Variants in NOD2 observed in about 807,000 individuals in gnomAD.
NOD2 encodes nucleotide binding oligomerization domain containing 2.
NOD2 carries 86 observed loss-of-function variants against 90.9 expected under a neutral mutation model. The observed-to-expected ratio is 0.95, with a 90% confidence interval of 0.79 to 1.13. The LOEUF (loss-of-function observed/expected upper bound fraction) is 1.13. Ranked by LOEUF, NOD2 falls within the 50% of genes most tolerant of loss-of-function variation. NOD2 has a pLI of 0.00. For missense variants in NOD2, 1,238 were observed against 1,283.8 expected (o/e 0.96, Z 0.55); for synonymous variants, 581 against 554.6 (o/e 1.05, Z -0.67).
chr16:50,719,976 G>T lies in NOD2; in HGVS notation c.2601G>T (p.Gly867=). 1 of 1,614,212 alleles carries T rather than the reference G, an allele frequency of 6.2e-7. No individual in the cohort carries two copies. Among genetic ancestry groups the T allele is most frequent in the Non-Finnish European group, 8.5e-7 (1 of 1,180,028 alleles). ...TAAGAQVLAE[G]LRGNTSLQFL... is the part of the protein sequence containing the mutation. ...CGGGAGCCCAAGTGCTGGCCGAGGG[G>T]CTCCGAGGCAACACCTCCTTGCAGT... is the stretch of plus-strand genomic sequence containing the variant. The change falls in exon 7 of 12, where the codon GGG becomes GGT. Residue 867 remains glycine (G), a synonymous_variant. Transcript: ENST00000647318.
chr16:50,714,930 T>C (rs909484101), intron 4 of NOD2, among the ~76,000 whole-genome samples: 4 of 152,184 alleles, frequency 2.6e-5, no homozygotes, highest in African/African-American at 9.7e-5. Flanking sequence ...ACATGGAACC[T>C]AAGTTTCACA....
chr16:50,711,232 G>A lies in NOD2; in HGVS notation c.1240G>A (p.Glu414Lys), dbSNP rs104895432. ...SAFLRKYIRT[E>K]FNLKGFSEQG... is the part of the protein sequence containing the mutation. Reference sequence around the variant, plus strand: ...GTTCCTCAGGAAGTACATCCGCACCGAGTTCAACCTCAAGGGCTTCTCTGA... The same window carrying A: ...GTTCCTCAGGAAGTACATCCGCACCAAGTTCAACCTCAAGGGCTTCTCTGA... The change falls in exon 4 of 12, where the codon GAG becomes AAG. Residue 414 changes from glutamate (E) to lysine (K), a missense_variant. This residue lies in a region of NOD2 where 567 missense variants were observed against 577.3 expected (regional missense o/e 0.98). Coordinates refer to ENST00000647318, the MANE Select transcript of NOD2 (RefSeq NM_001370466.1). 3.2e-4 allele frequency: 513 copies of A among 1,613,998 alleles called. No individual in the cohort carries two copies. The highest frequency in any genetic ancestry group is 4.9e-4 in the Middle Eastern group (3 of 6,062).
chr16:50,710,877 C>A lies in NOD2; in HGVS notation c.885C>A (p.Phe295Leu). 1 of 1,614,102 alleles carries A rather than the reference C, an allele frequency of 6.2e-7. No individual in the cohort carries two copies. Among genetic ancestry groups the A allele is most frequent in the Non-Finnish European group, 8.5e-7 (1 of 1,180,022 alleles). Residue 295 changes from phenylalanine (F) to leucine (L), a missense_variant, in exon 4 of 12, where the codon TTC becomes TTA. This residue lies in a region of NOD2 where 567 missense variants were observed against 577.3 expected (regional missense o/e 0.98). Transcript: ENST00000647318. ...LHLLWAAGQD[F>L]QEFLFVFPFS... Reference sequence around the variant, plus strand: ...TGCTGTGGGCTGCAGGGCAAGACTTCCAGGAATTTCTCTTTGTCTTCCCAT... The same window carrying A: ...TGCTGTGGGCTGCAGGGCAAGACTTACAGGAATTTCTCTTTGTCTTCCCAT...
rs950076475 is a variant in NOD2, at chr16:50,711,352, G to A, written c.1360G>A (p.Gly454Ser). 4 of 1,613,588 alleles carry A rather than the reference G, an allele frequency of 2.5e-6. No homozygotes were observed. Among genetic ancestry groups the A allele is most frequent in the Middle Eastern group, 1.6e-4 (1 of 6,062 alleles). The change falls in exon 4 of 12, where the codon GGT (glycine) becomes AGT (serine). Residue 454 changes from glycine (G) to serine (S), a missense_variant. Gly to Ser is a moderately conservative substitution (Grantham distance 56). This residue lies in a region of NOD2 where 4 missense variants were observed against 17.8 expected (regional missense o/e 0.22). Transcript: ENST00000647318. ...GCTCCAAGAGACCTCAGCCCTGCAC[G>A]GTTTGTGCCACCTGCCTGTCTTCTC... ...RLLQETSALH[G>S]LCHLPVFSWM...
At chr16:50,710,152 T>C in intron 3 of NOD2, 1 of 393,324 alleles carries the variant, frequency 2.5e-6, no homozygotes, top group South Asian at 1.9e-5. Context: ...GATATCAGAA[T>C]ACAGGTCTTC....
chr16:50,712,288 G>T lies in NOD2; in HGVS notation c.2296G>T (p.Val766Leu), dbSNP rs104895444. ...AFVLQHLRRP[V>L]ALQLDYNSVG... ...TGTGCTGCAGCACCTCCGGCGGCCC[G>T]TGGCCCTGCAGCTGGACTACAACTC... The change falls in exon 4 of 12, where the codon GTG (valine) becomes TTG (leucine). Residue 766 changes from valine to leucine, a missense_variant. Transcript: ENST00000647318. 6.2e-7 allele frequency: 1 copy of T among 1,613,984 alleles called. No individual in the cohort carries two copies. Among genetic ancestry groups the T allele is most frequent in the Non-Finnish European group, 8.5e-7 (1 of 1,180,050 alleles).
At chr16:50,710,443 G>A (rs1964408186) in intron 3 of NOD2, 115 bp from the exon 4 acceptor site, 16 of 1,441,230 alleles carry the variant, frequency 1.1e-5, no homozygotes, top group South Asian at 2.3e-5. Context: ...ATGGGCGCCC[G>A]CTGGCTCTCC....
At chr16:50,725,027 T>A (rs2150836272) in intron 9 of NOD2, among the ~76,000 whole-genome samples, 1 of 152,302 alleles carries the variant, frequency 6.6e-6, no homozygotes, top group East Asian at 1.9e-4. Flanking sequence ...TCGATCTATA[T>A]ACCCAGGAAA....
At chr16:50,699,465 A>C in intron 1 of NOD2, 23 bp from the exon 2 acceptor site, 1 of 1,607,068 alleles carries the variant, frequency 6.2e-7, no homozygotes, top group Non-Finnish European at 8.5e-7. Flanking sequence ...GAAGTCCCGC[A>C]CTGACCTTGT....
At chr16:50,709,917 A>T (rs1377369292) in intron 3 of NOD2, 1 of 454,156 alleles carries the variant, frequency 2.2e-6, no homozygotes, top group African/African-American at 2.0e-5. Flanking sequence ...AAATCCTTCC[A>T]GGTGTATATT....
intron 7 of NOD2, among the ~76,000 whole-genome samples, chr16:50,721,976 A>G (rs1183552755): frequency 6.6e-6 from 1 of 152,244 alleles, no homozygotes; most frequent in Non-Finnish European, 1.5e-5. Flanking sequence ...AGTACAGTGG[A>G]CATCCTAATT....
chr16:50,712,634 G>C, intron 4 of NOD2: 1 of 563,784 alleles, frequency 1.8e-6, no homozygotes, highest in Non-Finnish European at 3.2e-6. Context: ...AACCACCCTG[G>C]CGGGTAGGCA....
chr16:50,730,872 G>A (rs745809103), intron 11 of NOD2, among the ~76,000 whole-genome samples: 1 of 152,236 alleles, frequency 6.6e-6, no homozygotes, highest in Non-Finnish European at 1.5e-5. Flanking sequence ...CATCAAGGCT[G>A]CAGCGAATGC....
rs140716236 is a variant in NOD2, at chr16:50,711,088, C to T, written c.1096C>T (p.Arg366Cys). 121 of 1,614,184 alleles carry T rather than the reference C, an allele frequency of 7.5e-5. No individual in the cohort carries two copies. The African/African-American group carries it at 8.4e-4, about 11-fold the overall frequency. ...EFKFRFTDRE[R>C]HCSPTDPTSV... ...CAAGTTCAGGTTCACGGATCGTGAA[C>T]GCCACTGCTCCCCGACCGACCCCAC... The change falls in exon 4 of 12, where the codon CGC becomes TGC. Residue 366 changes from arginine (R) to cysteine (C), a missense_variant. Transcript: ENST00000647318.
chr16:50,726,992 T>C (rs1638382032), intron 10 of NOD2, among the ~76,000 whole-genome samples: 1 of 151,822 alleles, frequency 6.6e-6, no homozygotes, highest in African/African-American at 2.4e-5. Flanking sequence ...AATACAAAAT[T>C]AGCCGGGCGT....
intron 2 of NOD2, among the ~76,000 whole-genome samples, chr16:50,704,481 C>T (rs942661575): frequency 2.0e-5 from 3 of 151,970 alleles, no homozygotes; most frequent in Admixed American, 1.3e-4. Context: ...ATTTTGATTG[C>T]ATTATTCCAT....
chr16:50,722,560 A>T (rs971749207), intron 7 of NOD2, 62 bp from the exon 8 acceptor site: 2 of 1,472,494 alleles, frequency 1.4e-6, no homozygotes, highest in Admixed American at 3.3e-5. Context: ...CTGTTAGTTC[A>T]TGTCTAGAAC....
intron 1 of NOD2, among the ~76,000 whole-genome samples, chr16:50,699,276 G>A (rs1237739265): frequency 6.6e-6 from 1 of 152,112 alleles, no homozygotes; most frequent in Non-Finnish European, 1.5e-5. Context: ...ATTCTTGGTT[G>A]CTTCAAACTC....
chr16:50,722,629 G>C lies in NOD2; in HGVS notation c.2641G>C (p.Gly881Arg), dbSNP rs2066845. The C allele has an allele frequency of 0.013, 20,794 of 1,614,104 alleles. 245 individuals carry two copies. The highest frequency in any genetic ancestry group is 0.037 in the Middle Eastern group (226 of 6,062). ...NTSLQFLGFWGNRVGDEGAQA... is the reference protein window; with the variant it reads ...NTSLQFLGFWRNRVGDEGAQA... Reference sequence around the variant, plus strand: ...CTCTTTTGGCCTTTTCAGATTCTGGGGCAACAGAGTGGGTGACGAGGGGGC... The same window carrying C: ...CTCTTTTGGCCTTTTCAGATTCTGGCGCAACAGAGTGGGTGACGAGGGGGC... The change falls in exon 8 of 12, where the codon GGC (glycine) becomes CGC (arginine). Residue 881 changes from glycine to arginine, a missense_variant. By Grantham distance (125) the Gly-to-Arg change is moderately radical. Transcript: ENST00000647318.
Sources: gnomAD v4.1 joint callset for allele counts (sites outside exome capture counted in the v4.1 genomes callset) on GRCh38, gnomAD v4.1.1 for gene constraint, gnomAD v4.1.1 regional missense constraint, MANE v1.5 for transcripts, NCBI Gene and HGNC (gene_info 2026-07-23, HGNC 2026-07-21) for gene names.